HCN4: variants seen among roughly 807,000 people sequenced by gnomAD.
HCN4 encodes the protein hyperpolarization activated cyclic nucleotide gated potassium channel 4.
In HCN4, 29 loss-of-function variants were observed where a neutral mutation model predicts 76.9. That is an observed-to-expected ratio of 0.38 (90% CI 0.28 to 0.51). HCN4 has a LOEUF of 0.51. HCN4 is among the 20% of genes least tolerant of loss of function. The pLI, the probability that HCN4 is intolerant of heterozygous loss-of-function variation, is 0.90. For missense variants in HCN4, 1,416 were observed against 1,715.2 expected (o/e 0.83, Z 3.08); for synonymous variants, 772 against 762.5 (o/e 1.01, Z -0.21).
intron 1 of HCN4, among the ~76,000 whole-genome samples, chr15:73,355,456 G>A (rs1467400954): frequency 6.6e-6 from 1 of 152,154 alleles, no homozygotes; most frequent in Non-Finnish European, 1.5e-5. Context: ...ACGGAAGAAC[G>A]CGCACCTCAG....
At chr15:73,365,115 T>C (rs1307524567) in intron 1 of HCN4, among the ~76,000 whole-genome samples, 1 of 151,678 alleles carries the variant, frequency 6.6e-6, no homozygotes, top group African/African-American at 2.4e-5. Context: ...AGACCAAGGC[T>C]GGGGGTGCTG....
chr15:73,337,522 G>A (rs1012358730), intron 2 of HCN4, among the ~76,000 whole-genome samples: 1 of 152,158 alleles, frequency 6.6e-6, no homozygotes, highest in Non-Finnish European at 1.5e-5. Flanking sequence ...CATCGAAGGT[G>A]GCATGTTTTC....
intron 1 of HCN4, among the ~76,000 whole-genome samples, chr15:73,358,400 G>A (rs1009241295): frequency 2.1e-4 from 32 of 152,310 alleles, no homozygotes; most frequent in Admixed American, 1.1e-3. Flanking sequence ...AGTGGCTGGG[G>A]ACTCACATTA....
intron 1 of HCN4, among the ~76,000 whole-genome samples, chr15:73,351,294 T>C (rs1316095125): frequency 6.6e-6 from 1 of 152,160 alleles, no homozygotes; most frequent in Non-Finnish European, 1.5e-5. Context: ...TTCCAGGTGA[T>C]TTCACTGACT....
At chr15:73,333,639 A>C (rs891607482) in intron 2 of HCN4, among the ~76,000 whole-genome samples, 2 of 152,102 alleles carry the variant, frequency 1.3e-5, no homozygotes, top group African/African-American at 4.8e-5. Flanking sequence ...TCCAGCTACA[A>C]AGCTGGGAGT....
rs2042854326 is a variant in HCN4, at chr15:73,321,042, G to A, written c.*1439C>T. 6.6e-6 allele frequency: 1 copy of A among 152,204 alleles called. No individual in the cohort carries two copies. The highest frequency in any genetic ancestry group is 2.4e-5 in the African/African-American group (1 of 41,440). 9.4% of individuals were successfully genotyped at this position (152,204 alleles called of 1,614,324 possible). A position where few individuals can be genotyped will look rare whatever the true frequency, so the allele number is the denominator to read the frequency against. ...TGATTTTTTATTGAGCACCTACCAT[G>A]GTATGTGCCAGGCGCTGGGCTGGGC... On this transcript the variant is annotated 3_prime_UTR_variant, in exon 8 of 8. Coordinates refer to ENST00000261917, the MANE Select transcript of HCN4 (RefSeq NM_005477.3).
At position 73,328,472 on chromosome 15, in the gene HCN4, T is replaced by G. The variant is rs960133627; in HGVS notation, c.1590+1101A>C. 2.6e-5 allele frequency among the ~76,000 whole-genome samples: 4 copies of G among 151,806 alleles called. No homozygotes were observed. The highest frequency in any genetic ancestry group is 6.6e-5 in the Admixed American group (1 of 15,238). On this transcript the variant is annotated intron_variant, in intron 4 of 7. Transcript: ENST00000261917. The surrounding 1 kb of genome is among the most constrained non-coding windows in gnomAD (Gnocchi z 4.0). ...TCCCTGAAGAGTTTCAAGCAGAGGA[T>G]GAGGCTGACGTGTTTTAGATGCCGC...
intron 1 of HCN4, among the ~76,000 whole-genome samples, chr15:73,358,001 A>G (rs2151225407): frequency 6.6e-6 from 1 of 152,120 alleles, no homozygotes; most frequent in Middle Eastern, 3.4e-3. Context: ...CTCAATACCT[A>G]TTTGGCCAAT....
intron 1 of HCN4, among the ~76,000 whole-genome samples, chr15:73,356,737 G>A (rs1406761349): frequency 6.6e-6 from 1 of 152,062 alleles, no homozygotes; most frequent in East Asian, 1.9e-4. Context: ...GGAAAACACA[G>A]TCTAACAAGG....
intron 1 of HCN4, among the ~76,000 whole-genome samples, chr15:73,347,236 CAG>C (rs1411705501): frequency 6.6e-6 from 1 of 152,050 alleles, no homozygotes; most frequent in Non-Finnish European, 1.5e-5. Flanking sequence ...TTGAGGCTGA[CAG>C]AGAAGTGTCT....
Position 73,361,638 on chromosome 15 carries a change from T to A in HCN4, c.785+5848A>T, listed in dbSNP as rs553513310. ...GGCTGGACCTTCTGCTCTGAGTGAATTCCTCCATGGTGGTCAGTGTTGTGG... is the reference window on the plus strand; with the variant it reads ...GGCTGGACCTTCTGCTCTGAGTGAAATCCTCCATGGTGGTCAGTGTTGTGG... On this transcript the variant is annotated intron_variant, in intron 1 of 7. Coordinates refer to ENST00000261917, the MANE Select transcript of HCN4 (RefSeq NM_005477.3). 2.6e-5 allele frequency among the ~76,000 whole-genome samples: 4 copies of A among 152,284 alleles called. No individual in the cohort carries two copies. In the South Asian group the frequency reaches 8.3e-4, roughly 32 times the overall value.
rs902781708 is a variant in HCN4, at chr15:73,321,866, GCTAT to G, written c.*611_*614del. The G allele has an allele frequency of 6.3e-6, 1 of 157,674 alleles. No individual in the cohort carries two copies. Among genetic ancestry groups the G allele is most frequent in the African/African-American group, 2.4e-5 (1 of 41,582 alleles). 9.8% of individuals were successfully genotyped at this position (157,674 alleles called of 1,614,324 possible). ...GCACACGTGTGCGCACATGTGAGTG[GCTAT>G]CTACATGGCTCTACAGAGCGCTACA... On this transcript the variant is annotated 3_prime_UTR_variant, in exon 8 of 8. Transcript: ENST00000261917.
At chr15:73,363,146 C>A (rs2043113257) in intron 1 of HCN4, among the ~76,000 whole-genome samples, 2 of 152,240 alleles carry the variant, frequency 1.3e-5, no homozygotes, top group South Asian at 4.1e-4. Flanking sequence ...TGGCTTTGCA[C>A]ACTGAGAGTC....
intron 1 of HCN4, among the ~76,000 whole-genome samples, chr15:73,365,726 C>T (rs1481747496): frequency 6.6e-6 from 1 of 152,186 alleles, no homozygotes; most frequent in Non-Finnish European, 1.5e-5. Context: ...TGGGGTTGGC[C>T]TCTTGTAGGC....
chr15:73,367,240 C>A lies in HCN4; in HGVS notation c.785+246G>T, dbSNP rs1461538932. Among the ~76,000 whole-genome samples, 1 of 152,110 alleles carries A rather than the reference C, an allele frequency of 6.6e-6. No individual in the cohort carries two copies. The highest frequency in any genetic ancestry group is 2.4e-5 in the African/African-American group (1 of 41,432). ...CGGCAGGGGTAGGCCAGGCTCAGAA[C>A]ACCTTTTCATTCTGTCTCCAATGCA... On this transcript the variant is annotated intron_variant, in intron 1 of 7. Coordinates refer to ENST00000261917, the MANE Select transcript of HCN4 (RefSeq NM_005477.3). The surrounding 1 kb of genome is among the most constrained non-coding windows in gnomAD (Gnocchi z 7.5).
At chr15:73,327,985 T>C (rs2042910660) in intron 4 of HCN4, among the ~76,000 whole-genome samples, 2 of 152,154 alleles carry the variant, frequency 1.3e-5, no homozygotes, top group South Asian at 2.1e-4. Context: ...CTGACCCTAC[T>C]GTGTGCCAGG....
intron 1 of HCN4, among the ~76,000 whole-genome samples, chr15:73,366,398 T>C (rs554144727): frequency 6.6e-6 from 1 of 152,194 alleles, no homozygotes; most frequent in South Asian, 2.1e-4. Context: ...GGGAGATAAG[T>C]AGGCGGCAGG....
In HCN4 at chr15:73,368,073, C is replaced by T. The variant is rs772890780; in HGVS notation, c.198G>A (p.Glu66=). ...PSPSAAAGGT[E]SRSSALGAAD... ...CTGCCCCGAGGGCCGAGCTCCGGGA[C>T]TCCGTGCCACCCGCGGCCGCCGAGG... Residue 66 remains glutamate (E), a synonymous_variant, in exon 1 of 8, where the codon GAG becomes GAA. Coordinates refer to ENST00000261917, the MANE Select transcript of HCN4 (RefSeq NM_005477.3). This position sits in a 1 kb window ranked among gnomAD's most constrained non-coding sequence, Gnocchi z 6.9. 2.0e-6 allele frequency: 3 copies of T among 1,487,064 alleles called. No homozygotes were observed. The highest frequency in any genetic ancestry group is 2.1e-4 in the Middle Eastern group (1 of 4,774). The allele number at this position is 1,487,064 out of a possible 1,614,324, so 92.1% of individuals were successfully genotyped here.
chr15:73,323,661 C>A lies in HCN4; in HGVS notation c.2432G>T (p.Gly811Val), dbSNP rs776656247. 22 of 1,594,244 alleles carry A rather than the reference C, an allele frequency of 1.4e-5. No individual in the cohort carries two copies. In the South Asian group the frequency reaches 2.5e-4, roughly 18 times the overall value. The change falls in exon 8 of 8, where the codon GGA becomes GTA. Residue 811 changes from glycine to valine, a missense_variant. By Grantham distance (109) the Gly-to-Val change is moderately radical (BLOSUM62 -3). Transcript: ENST00000261917. Reference protein sequence around the residue: ...LPAAIFRPPPGSGLGNLGAGQ... With the variant: ...LPAAIFRPPPVSGLGNLGAGQ... ...GGCACCGAGGTTGCCCAGCCCAGATCCTGGGGGAGGGCGGAAGATGGCAGC... is the reference window on the plus strand; with the variant it reads ...GGCACCGAGGTTGCCCAGCCCAGATACTGGGGGAGGGCGGAAGATGGCAGC...
Sources: gnomAD v4.1 joint callset for allele counts (sites outside exome capture counted in the v4.1 genomes callset) on GRCh38, gnomAD v4.1.1 for gene constraint, Gnocchi (gnomAD v3.1) non-coding constraint, MANE v1.5 for transcripts, NCBI Gene and HGNC (gene_info 2026-07-23, HGNC 2026-07-21) for gene names.